The following MVB12B variants were observed in gnomAD, a reference collection of about 807,000 sequenced individuals.
MVB12B encodes the protein ESCRT-I complex subunit MVB12B.
MVB12B carries 16 observed loss-of-function variants against 41.6 expected under a neutral mutation model. The observed-to-expected ratio is 0.38, with a 90% CI of 0.26 to 0.58. The LOEUF is 0.58. MVB12B is among the 20% of genes least tolerant of loss of function. MVB12B has a pLI of 0.62. For synonymous variants in MVB12B, 133 were observed against 139.7 expected, an observed-to-expected ratio of 0.95 and a Z score of 0.34; for missense variants, 274 against 380.2, an observed-to-expected ratio of 0.72 and a Z score of 2.32.
chr9:126,329,265 G>T (rs553415419), intron 1 of MVB12B, among the ~76,000 whole-genome samples: 12 of 152,274 alleles, frequency 7.9e-5, no homozygotes, highest in African/African-American at 2.9e-4. Flanking sequence ...TAAGAACAAA[G>T]CCTACCCCAT....
intron 2 of MVB12B, among the ~76,000 whole-genome samples, chr9:126,343,866 G>A (rs1179532031): frequency 1.3e-5 from 2 of 152,142 alleles, no homozygotes; most frequent in Non-Finnish European, 1.5e-5. Context: ...GCAGTGAGCC[G>A]AGACTGCGCC....
chr9:126,498,905 T>C lies in MVB12B; in HGVS notation c.874-4272T>C, dbSNP rs962406471. 1.6e-4 allele frequency among the ~76,000 whole-genome samples: 25 copies of C among 152,174 alleles called. 1 individual carries two copies. Among genetic ancestry groups the C allele is most frequent in the Admixed American group, 1.6e-3 (25 of 15,286 alleles). On this transcript the variant is annotated intron_variant, in intron 9 of 9. Transcript: ENST00000361171. ...AAATCACCTGAGTGTTTTCAAAAAA[T>C]GCTGGTGTCCCCGTGCCGGTTAAAC...
chr9:126,361,398 T>A (rs1830026460), intron 2 of MVB12B, among the ~76,000 whole-genome samples: 1 of 152,212 alleles, frequency 6.6e-6, no homozygotes. Context: ...TCTACGTATG[T>A]CATAAACTCC....
At chr9:126,414,145 C>G (rs940701230) in intron 6 of MVB12B, among the ~76,000 whole-genome samples, 1 of 152,204 alleles carries the variant, frequency 6.6e-6, no homozygotes, top group Non-Finnish European at 1.5e-5. Context: ...CAACTATTGT[C>G]TCATAATAAA....
chr9:126,465,674 C>T (rs1345996216), intron 7 of MVB12B, among the ~76,000 whole-genome samples: 7 of 89,030 alleles, frequency 7.9e-5, no homozygotes, highest in South Asian at 3.5e-4. Context: ...TTGGTGGGGG[C>T]GGGGGGTGGG....
At chr9:126,465,819 C>A (rs935866546) in intron 7 of MVB12B, among the ~76,000 whole-genome samples, 2 of 152,128 alleles carry the variant, frequency 1.3e-5, no homozygotes, top group African/African-American at 4.8e-5. Context: ...CTTTCTGAAT[C>A]CTTGCTTCGC....
chr9:126,468,930 G>A lies in MVB12B; in HGVS notation c.758-12439G>A, dbSNP rs189125496. Among the ~76,000 whole-genome samples, 45 of 152,240 alleles carry A rather than the reference G, an allele frequency of 3.0e-4. No homozygotes were observed. Among genetic ancestry groups the A allele is most frequent in the African/African-American group, 8.7e-4 (36 of 41,522 alleles). On this transcript the variant is annotated intron_variant, in intron 7 of 9. Transcript: ENST00000361171. This position sits in a 1 kb window ranked among gnomAD's most constrained non-coding sequence, Gnocchi z 4.3. ...GACACAGAGCTCTAAGAATTGATGT[G>A]GAAACACAGTCAATTGAAAAAAAGT...
chr9:126,335,242 C>CAA (rs1210041279), intron 1 of MVB12B: 3 of 1,202,434 alleles, frequency 2.5e-6, no homozygotes, highest in Admixed American at 6.0e-5. Context: ...GGCTGGTCAC[C>CAA]AGGTAATCTG....
intron 7 of MVB12B, among the ~76,000 whole-genome samples, chr9:126,470,766 C>T (rs1833298405): frequency 6.6e-6 from 1 of 152,126 alleles, no homozygotes; most frequent in East Asian, 1.9e-4. Flanking sequence ...ATGAGTGACT[C>T]CTTAGCAAAC....
chr9:126,422,011 A>C, intron 7 of MVB12B, 63 bp downstream of exon 7: 1 of 1,161,820 alleles, frequency 8.6e-7, no homozygotes, highest in Non-Finnish European at 1.3e-6. Flanking sequence ...ACCTCCTTCC[A>C]CACGTTCTCT....
chr9:126,466,695 G>A (rs887837887), intron 7 of MVB12B, among the ~76,000 whole-genome samples: 18 of 152,132 alleles, frequency 1.2e-4, no homozygotes, highest in Admixed American at 6.5e-5. Flanking sequence ...CACTTTCTAT[G>A]GTGCCCTAGA....
chr9:126,429,350 G>T (rs566829364), intron 7 of MVB12B, among the ~76,000 whole-genome samples: 1 of 152,304 alleles, frequency 6.6e-6, no homozygotes, highest in African/African-American at 2.4e-5. Context: ...GATGTAAAAG[G>T]TGCGGCTGAC....
rs989884456 is a variant in MVB12B at position 126,333,329 on chromosome 9, T to C, written c.81+6319T>C. ...CTCGAACTCCTGACCTTGTGATCTG[T>C]CCGCCTCGGACTCCCAAGGTGCTGG... On this transcript the variant is annotated intron_variant, in intron 1 of 9. Transcript: ENST00000361171. This position sits in a 1 kb window ranked among gnomAD's most constrained non-coding sequence, Gnocchi z 4.7. 1.3e-5 allele frequency among the ~76,000 whole-genome samples: 2 copies of C among 152,054 alleles called. No homozygotes were observed. The highest frequency in any genetic ancestry group is 2.9e-5 in the Non-Finnish European group (2 of 68,002).
chr9:126,343,979 T>C (rs1027273252), intron 2 of MVB12B, among the ~76,000 whole-genome samples: 1 of 151,740 alleles, frequency 6.6e-6, no homozygotes, highest in Non-Finnish European at 1.5e-5. Context: ...TGCAACACTA[T>C]ATTTATGAGA....
chr9:126,355,309 T>A lies in MVB12B; in HGVS notation c.204+14679T>A, dbSNP rs544664012. On this transcript the variant is annotated intron_variant, in intron 2 of 9. Coordinates refer to ENST00000361171, the MANE Select transcript of MVB12B (RefSeq NM_033446.3). ...TCCTGGAAGCCCCATCCTAGGGGTC[T>A]GCGGAAATGCTGGGTGGGCTTTGCC... is the stretch of plus-strand genomic sequence containing the variant. Among the ~76,000 whole-genome samples the A allele has an allele frequency of 3.9e-5, 6 of 152,310 alleles. No homozygotes were observed. In the South Asian group the frequency reaches 1.2e-3, roughly 32 times the overall value.
intron 1 of MVB12B, among the ~76,000 whole-genome samples, chr9:126,339,388 G>C (rs974048932): frequency 7.9e-5 from 12 of 152,200 alleles, no homozygotes; most frequent in African/African-American, 2.7e-4. Flanking sequence ...GTTGCAGAAG[G>C]AGGTGGAATT....
chr9:126,395,961 C>G lies in MVB12B; in HGVS notation c.662+264C>G. On this transcript the variant is annotated intron_variant, in intron 6 of 9. Transcript: ENST00000361171. This position sits in a 1 kb window ranked among gnomAD's most constrained non-coding sequence, Gnocchi z 4.9. ...GATTATGCAACTTAAAATTGGCTCC[C>G]TATTCAAAAGAGCTGCTAGCTACAC... The G allele has an allele frequency of 2.3e-6, 3 of 1,280,570 alleles. No individual in the cohort carries two copies. Among genetic ancestry groups the G allele is most frequent in the Non-Finnish European group, 3.0e-6 (3 of 1,010,774 alleles). 79.3% of individuals were successfully genotyped at this position (1,280,570 alleles called of 1,614,324 possible).
intron 9 of MVB12B, 79 bp downstream of exon 9, chr9:126,484,111 G>C: frequency 7.3e-7 from 1 of 1,365,428 alleles, no homozygotes; most frequent in East Asian, 2.3e-5. Context: ...GTTCCCCTAG[G>C]GATCCACTCC....
At chr9:126,408,232 A>G (rs1831505825) in intron 6 of MVB12B, 1 of 152,170 alleles carries the variant, frequency 6.6e-6, no homozygotes, top group Admixed American at 6.5e-5. Flanking sequence ...TGTTGTGAAT[A>G]TGTCATCCGG....
Sources: gnomAD v4.1 joint callset for allele counts (sites outside exome capture counted in the v4.1 genomes callset) on GRCh38, gnomAD v4.1.1 for gene constraint, Gnocchi (gnomAD v3.1) non-coding constraint, MANE v1.5 for transcripts, NCBI Gene and HGNC (gene_info 2026-07-23, HGNC 2026-07-21) for gene names.